ULK1: variants seen among roughly 807,000 people sequenced by gnomAD.
ULK1 encodes unc-51 like autophagy activating kinase 1, also known as serine/threonine-protein kinase ULK1.
In ULK1, 48 loss-of-function variants were observed where a neutral mutation model predicts 117.5. The ratio of observed to expected loss-of-function variants is 0.41; its 90% CI spans 0.32 to 0.52. ULK1 has a LOEUF of 0.52. Ranked by LOEUF, ULK1 falls within the 20% of genes least tolerant of loss-of-function variation. ULK1 has a pLI of 0.29. For synonymous variants in ULK1, 790 were observed against 637.8 expected (o/e 1.24, Z -3.60); for missense variants, 1,387 against 1,473.4 (o/e 0.94, Z 0.96).
rs141575431 is a variant in ULK1, at chr12:131,915,383, A to G, written c.1571A>G (p.Gln524Arg). Residue 524 changes from glutamine (Q) to arginine (R), a missense_variant, in exon 18 of 28, where the codon CAG becomes CGG. Coordinates refer to ENST00000321867, the MANE Select transcript of ULK1 (RefSeq NM_003565.4). The stretch of plus-strand genomic sequence containing the variant: ...GGCTGGAGCGGGACGCCCTCCCCAC[A>G]GGGAGCTGAGATGCGGGGTGGCAGG... ...RPGWSGTPSP[Q>R]GAEMRGGRSP... is the part of the protein sequence containing the mutation. 2 of 1,612,782 alleles carry G rather than the reference A, an allele frequency of 1.2e-6. No individual in the cohort carries two copies. The highest frequency in any genetic ancestry group is 2.2e-5 in the South Asian group (2 of 91,086).
Position 131,895,639 on chromosome 12 carries a change from G to A in ULK1, c.150G>A (p.Lys50=). 1 of 1,614,082 alleles carries A rather than the reference G, an allele frequency of 6.2e-7. No individual in the cohort carries two copies. Among genetic ancestry groups the A allele is most frequent in the Non-Finnish European group, 8.5e-7 (1 of 1,179,984 alleles). ...DLEVAVKCIN[K]KNLAKSQTLL... ...AGGTCGCCGTCAAGTGCATTAACAA[G>A]AAGAACCTCGCCAAGTCTCAGACGC... The change falls in exon 2 of 28, where the codon AAG becomes AAA. Residue 50 remains lysine (K), a synonymous_variant. Transcript: ENST00000321867.
chr12:131,901,654 T>C (rs1316446203), intron 3 of ULK1, among the ~76,000 whole-genome samples: 1 of 152,220 alleles, frequency 6.6e-6, no homozygotes, highest in Non-Finnish European at 1.5e-5. Context: ...AGGGGTGCTG[T>C]GTCTCCGTGG....
chr12:131,914,501 C>G, intron 16 of ULK1, 24 bp downstream of exon 16: 1 of 1,605,218 alleles, frequency 6.2e-7, no homozygotes, highest in Non-Finnish European at 8.5e-7. Context: ...CCCCAGGTAG[C>G]CAGGCGTGGC....
rs768058927 is a variant in ULK1, at chr12:131,909,946, G to A, written c.753G>A (p.Leu251=). 5.0e-6 allele frequency: 8 copies of A among 1,612,012 alleles called. No individual in the cohort carries two copies. The highest frequency in any genetic ancestry group is 2.2e-5 in the South Asian group (2 of 91,074). Residue 251 remains leucine, a synonymous_variant, in exon 10 of 28, where the codon CTG becomes CTA. Transcript: ENST00000321867. ...PTIPRETSAP[L]RQLLLALLQR... ...TCCCCCGGGAGACCTCGGCCCCGCT[G>A]CGGCAGCTGCTCCTGGCCCTACTGC...
chr12:131,920,488 A>C (rs1890105856), intron 26 of ULK1: 1 of 286,644 alleles, frequency 3.5e-6, no homozygotes, highest in Non-Finnish European at 6.7e-6. Flanking sequence ...TGGTGCACTC[A>C]GGTGGTACCA....
At chr12:131,908,862 G>A (rs367989623) in intron 6 of ULK1, 36 bp from the exon 7 acceptor site, 61 of 1,606,588 alleles carry the variant, frequency 3.8e-5, no homozygotes, top group Non-Finnish European at 4.6e-5. Flanking sequence ...GAGGGGCTCC[G>A]GGGCCGGCGC....
rs1415655751 is a variant in ULK1, at chr12:131,919,464, G to GC, written c.2685-3dup. 3 of 1,608,116 alleles carry GC rather than the reference G, an allele frequency of 1.9e-6. No homozygotes were observed. The African/African-American group carries it at 4.0e-5, about 21-fold the overall frequency. Reference sequence around the variant, plus strand: ...ACCGGCCTCCTCTGATCTGCCTGCCGCCCCCAGCTTCGCGGAACAGCTGGT... The same window carrying GC: ...ACCGGCCTCCTCTGATCTGCCTGCCGCCCCCCAGCTTCGCGGAACAGCTGGT... On this transcript the variant is annotated splice_region_variant and splice_polypyrimidine_tract_variant and intron_variant, in intron 24 of 27. Coordinates refer to ENST00000321867, the MANE Select transcript of ULK1 (RefSeq NM_003565.4).
In ULK1 at chr12:131,919,321, C is replaced by T; in HGVS notation, c.2621C>T (p.Pro874Leu). ...KGSASEAAGG[P>L]EYQLQESVVA... ...AGCGCCAGTGAGGCGGCGGGGGGCC[C>T]TGAGTACCAGCTGCAGGAGAGTGTG... The change falls in exon 24 of 28, where the codon CCT (proline) becomes CTT (leucine). Residue 874 changes from proline (P) to leucine (L), a missense_variant. Around this residue, in one of 4 missense-constraint regions of ULK1, gnomAD observed 900 missense variants for 858.9 expected, o/e 1.05. Transcript: ENST00000321867. 1 of 1,583,938 alleles carries T rather than the reference C, an allele frequency of 6.3e-7. No individual in the cohort carries two copies. Among genetic ancestry groups the T allele is most frequent in the South Asian group, 1.1e-5 (1 of 88,736 alleles).
chr12:131,917,667 G>A (rs1889924093), intron 22 of ULK1, 113 bp downstream of exon 22: 12 of 1,116,242 alleles, frequency 1.1e-5, no homozygotes, highest in Non-Finnish European at 1.3e-5. Flanking sequence ...AGAGCCCAGG[G>A]GTGCCTGAGG....
chr12:131,910,863 C>G (rs942029456), intron 12 of ULK1, 63 bp downstream of exon 12: 1 of 1,601,944 alleles, frequency 6.2e-7, no homozygotes, highest in African/African-American at 1.3e-5. Context: ...GGGCTCCAGC[C>G]CTGGGCCCCC....
Position 131,919,341 on chromosome 12 carries a change from A to G in ULK1, c.2641A>G (p.Ser881Gly). 1 of 1,364,370 alleles carries G rather than the reference A, an allele frequency of 7.3e-7. No individual in the cohort carries two copies. 84.5% of individuals were successfully genotyped at this position (1,364,370 alleles called of 1,614,324 possible). ...AGGPEYQLQE[S>G]VVADQISLLS... Reference sequence around the variant, plus strand: ...GGGCCCTGAGTACCAGCTGCAGGAGAGTGTGGTGGCCGACCAGATCAGCCT... The same window carrying G: ...GGGCCCTGAGTACCAGCTGCAGGAGGGTGTGGTGGCCGACCAGATCAGCCT... The change falls in exon 24 of 28, where the codon AGT becomes GGT. Residue 881 changes from serine (S) to glycine (G), a missense_variant. Coordinates refer to ENST00000321867, the MANE Select transcript of ULK1 (RefSeq NM_003565.4).
chr12:131,916,638 C>T (rs1566125651), intron 20 of ULK1, 47 bp downstream of exon 20: 3 of 1,485,098 alleles, frequency 2.0e-6, no homozygotes, highest in South Asian at 2.6e-5. Context: ...GGGGCAGCCT[C>T]TTTCCCCTGC....
At chr12:131,905,993 T>C (rs2136386834) in intron 3 of ULK1, among the ~76,000 whole-genome samples, 1 of 152,150 alleles carries the variant, frequency 6.6e-6, no homozygotes, top group South Asian at 2.1e-4. Context: ...CCGAAGGCAT[T>C]GGGGCGAGGG....
At chr12:131,913,061 C>T in intron 13 of ULK1, 137 bp from the exon 14 acceptor site, 1 of 748,584 alleles carries the variant, frequency 1.3e-6, no homozygotes. Context: ...AGGCTCTGCC[C>T]CCCGCAAGGC....
At chr12:131,920,294 T>A (rs945640664) in intron 26 of ULK1, 158 bp downstream of exon 26, 3 of 993,138 alleles carry the variant, frequency 3.0e-6, no homozygotes, top group African/African-American at 1.6e-5. Flanking sequence ...CCCAGCCTCC[T>A]GCAGGCGCTC....
intron 3 of ULK1, chr12:131,896,727 C>G (rs1012279884): frequency 6.5e-6 from 1 of 152,692 alleles, no homozygotes; most frequent in Non-Finnish European, 1.5e-5. Context: ...CTGCTTTTCC[C>G]GCCCTCTTCC....
At chr12:131,921,073 C>G (rs762152567) in intron 26 of ULK1, 27 bp from the exon 27 acceptor site, 1 of 1,562,560 alleles carries the variant, frequency 6.4e-7, no homozygotes, top group South Asian at 1.1e-5. Flanking sequence ...TGAGCTGGCC[C>G]TGTCCAGCCT....
At chr12:131,895,485 TC>T in intron 1 of ULK1, 115 bp from the exon 2 acceptor site, 1 of 866,316 alleles carries the variant, frequency 1.2e-6, no homozygotes, top group Non-Finnish European at 1.8e-6. Context: ...CACTCGGCCT[TC>T]CAGTCCCGGG....
intron 18 of ULK1, 47 bp from the exon 19 acceptor site, chr12:131,915,844 C>T (rs1211823823): frequency 1.9e-6 from 3 of 1,600,556 alleles, no homozygotes; most frequent in East Asian, 2.2e-5. Flanking sequence ...GGGCCTAGGG[C>T]TGGGCCGCCG....
Sources: allele counts gnomAD v4.1 joint callset (sites outside exome capture counted in the v4.1 genomes callset), GRCh38; gene constraint gnomAD v4.1.1; regional missense constraint gnomAD v4.1.1; transcripts MANE v1.5; gene names NCBI Gene and HGNC (gene_info 2026-07-23, HGNC 2026-07-21).